Variants in DLG2 observed in about 807,000 individuals in gnomAD.
The protein encoded by DLG2 is discs large MAGUK scaffold protein 2.
Under a neutral mutation model 132.5 loss-of-function variants are expected in DLG2, and 45 were observed. The ratio of observed to expected loss-of-function variants is 0.34; its 90% CI spans 0.27 to 0.44. The LOEUF is 0.44. DLG2 is among the 20% of genes least tolerant of loss of function. The pLI is 1.00. For synonymous variants in DLG2, 424 were observed against 419.6 expected (o/e 1.01, Z -0.13); for missense variants, 1,045 against 1,196.9 (o/e 0.87, Z 1.87).
chr11:83,720,867 C>G (rs2088340836), intron 18 of DLG2: 1 of 150,988 alleles, frequency 6.6e-6, no homozygotes, highest in African/African-American at 2.4e-5. Context: ...TTTGAGAGAA[C>G]TTCTCTGCCA....
intron 3 of DLG2, among the ~76,000 whole-genome samples, chr11:85,331,864 C>T (rs114919088): frequency 0.014 from 2,158 of 152,254 alleles, 50 homozygotes; most frequent in African/African-American, 0.05. Context: ...ATCCATCCAC[C>T]ACTGATGGGC....
At chr11:84,296,916 A>G (rs926620653) in intron 7 of DLG2, among the ~76,000 whole-genome samples, 1 of 152,188 alleles carries the variant, frequency 6.6e-6, no homozygotes, top group Non-Finnish European at 1.5e-5. Flanking sequence ...AGATATTCCA[A>G]ATATCTTTCA....
At chr11:84,118,953 T>C (rs1020989668) in intron 9 of DLG2, among the ~76,000 whole-genome samples, 3 of 152,178 alleles carry the variant, frequency 2.0e-5, no homozygotes, top group Non-Finnish European at 2.9e-5. Context: ...CCTTTGTGAA[T>C]ACACTTCAAA....
rs369186054 is a variant in DLG2, at chr11:85,461,167, G to A, written c.40+137490C>T. On this transcript the variant is annotated intron_variant, in intron 3 of 27. Coordinates refer to ENST00000376104, the MANE Select transcript of DLG2 (RefSeq NM_001142699.3). Reference sequence around the variant, plus strand: ...TCCAGCATATCAAGATAAACAGGCTGTAGAGTACATATATATTAACATCAT... The same window carrying A: ...TCCAGCATATCAAGATAAACAGGCTATAGAGTACATATATATTAACATCAT... 7.2e-4 allele frequency among the ~76,000 whole-genome samples: 109 copies of A among 152,322 alleles called. 1 individual carries two copies. The South Asian group carries it at 0.021, about 29-fold the overall frequency.
chr11:85,297,426 A>G (rs2079303837), intron 3 of DLG2, among the ~76,000 whole-genome samples: 1 of 152,102 alleles, frequency 6.6e-6, no homozygotes, highest in African/African-American at 2.4e-5. Flanking sequence ...TAATCTTGAG[A>G]CCACTGGAAA....
chr11:83,483,293 G>A (rs776740429), intron 22 of DLG2: 2 of 1,612,772 alleles, frequency 1.2e-6, no homozygotes, highest in Non-Finnish European at 1.7e-6. Context: ...CTAATCCGGG[G>A]ATGTCCTGCA....
At chr11:84,135,893 T>C (rs985264117) in intron 9 of DLG2, among the ~76,000 whole-genome samples, 7 of 152,060 alleles carry the variant, frequency 4.6e-5, no homozygotes, top group African/African-American at 1.7e-4. Context: ...ACATAAAGAC[T>C]AGTTAGGTGG....
chr11:85,473,154 G>A (rs919869082), intron 3 of DLG2, among the ~76,000 whole-genome samples: 6 of 152,292 alleles, frequency 3.9e-5, no homozygotes, highest in East Asian at 3.9e-4. Flanking sequence ...AGCAGTAGCC[G>A]GCACACCTGG....
intron 6 of DLG2, among the ~76,000 whole-genome samples, chr11:84,726,504 G>T (rs1035762744): frequency 2.6e-5 from 4 of 151,944 alleles, no homozygotes; most frequent in Non-Finnish European, 1.5e-5. Context: ...TTCTTTATCT[G>T]GTCTATTTTT....
At chr11:85,411,325 T>C (rs914859657) in intron 3 of DLG2, among the ~76,000 whole-genome samples, 2 of 151,520 alleles carry the variant, frequency 1.3e-5, no homozygotes, top group Non-Finnish European at 3.0e-5. Flanking sequence ...AGAGGAAACA[T>C]GGCATTTAGC....
At chr11:84,178,335 C>T (rs1194071919) in intron 8 of DLG2, among the ~76,000 whole-genome samples, 1 of 152,104 alleles carries the variant, frequency 6.6e-6, no homozygotes, top group African/African-American at 2.4e-5. Context: ...AGAAATTTAA[C>T]AGAACAATTT....
chr11:83,944,984 G>A (rs747694577), intron 14 of DLG2, among the ~76,000 whole-genome samples: 3 of 152,188 alleles, frequency 2.0e-5, no homozygotes, highest in South Asian at 4.1e-4. Flanking sequence ...GTGAAGTAGA[G>A]GAGGGAAATG....
At chr11:85,323,956 A>G (rs1403700776) in intron 3 of DLG2, among the ~76,000 whole-genome samples, 1 of 152,098 alleles carries the variant, frequency 6.6e-6, no homozygotes, top group Non-Finnish European at 1.5e-5. Context: ...TGTCACTTCC[A>G]ATTGTTCCCA....
chr11:84,982,459 C>T (rs997827957), intron 6 of DLG2, among the ~76,000 whole-genome samples: 1 of 151,996 alleles, frequency 6.6e-6, no homozygotes, highest in Admixed American at 6.6e-5. Context: ...AACCCCATGC[C>T]CCATACATCA....
intron 17 of DLG2, among the ~76,000 whole-genome samples, chr11:83,787,416 G>T (rs2040308654): frequency 6.9e-6 from 1 of 145,620 alleles, no homozygotes; most frequent in Non-Finnish European, 1.5e-5. Context: ...CCGCCTCCCG[G>T]GTTCACACCA....
intron 3 of DLG2, among the ~76,000 whole-genome samples, chr11:85,575,539 C>CAA (rs771079911): frequency 2.6e-4 from 23 of 89,704 alleles, no homozygotes; most frequent in Admixed American, 3.9e-4. Context: ...GATCCTATCT[C>CAA]AAAAAAAAAA....
intron 6 of DLG2, among the ~76,000 whole-genome samples, chr11:84,755,125 A>G (rs1206943590): frequency 1.3e-5 from 2 of 152,220 alleles, no homozygotes; most frequent in South Asian, 4.1e-4. Flanking sequence ...ACACAAACTT[A>G]AAAAATTTAA....
rs11374561 is a variant in DLG2 at position 85,029,192 on chromosome 11, C to CTT, written c.357+82467_357+82468dup. ...AACTGGAATTCATCAAGTTACCACTCTTTTTTTTTTTTGAAAAGACCAAAC... is the reference window on the plus strand; with the variant it reads ...AACTGGAATTCATCAAGTTACCACTCTTTTTTTTTTTTTTGAAAAGACCAAAC... On this transcript the variant is annotated intron_variant, in intron 6 of 27. Transcript: ENST00000376104. 2.0e-3 allele frequency among the ~76,000 whole-genome samples: 293 copies of CTT among 148,270 alleles called. 1 individual carries two copies. Among genetic ancestry groups the CTT allele is most frequent in the African/African-American group, 5.7e-3 (231 of 40,532 alleles).
At position 85,057,011 on chromosome 11, in the gene DLG2, A is replaced by T. The variant is rs554942184; in HGVS notation, c.357+54650T>A. ...AGCAGAAACATACAGAAAGGATTGG[A>T]GGGCCAAAAATAGGGTCAATATATG... On this transcript the variant is annotated intron_variant, in intron 6 of 27. Coordinates refer to ENST00000376104, the MANE Select transcript of DLG2 (RefSeq NM_001142699.3). Among the ~76,000 whole-genome samples the T allele has an allele frequency of 1.1e-4, 16 of 151,988 alleles. No homozygotes were observed. The South Asian group carries it at 3.3e-3, about 31-fold the overall frequency.
Sources: gnomAD v4.1 joint callset for allele counts (sites outside exome capture counted in the v4.1 genomes callset) on GRCh38, gnomAD v4.1.1 for gene constraint, MANE v1.5 for transcripts, NCBI Gene and HGNC (gene_info 2026-07-23, HGNC 2026-07-21) for gene names.